The following NAALADL2 variants were observed in gnomAD, a reference collection of about 807,000 sequenced individuals.
NAALADL2 encodes N-acetylated alpha-linked acidic dipeptidase like 2.
A neutral mutation model predicts 87.2 loss-of-function variants in NAALADL2; 76 were observed. That is an observed-to-expected ratio of 0.87 (90% CI 0.72 to 1.05). The LOEUF (loss-of-function observed/expected upper bound fraction) is 1.05, where lower values mean the gene tolerates loss of function less well. NAALADL2 is among the 50% of genes least tolerant of loss of function. The pLI, the probability that NAALADL2 is intolerant of heterozygous loss-of-function variation, is 0.00. For missense variants in NAALADL2, 1,089 were observed against 945.8 expected, an observed-to-expected ratio of 1.15 and a Z score of -1.99; for synonymous variants, 354 against 331.0, an observed-to-expected ratio of 1.07 and a Z score of -0.75.
intron 3 of NAALADL2, among the ~76,000 whole-genome samples, chr3:175,245,973 T>C (rs921887797): frequency 6.6e-6 from 1 of 152,204 alleles, no homozygotes; most frequent in African/African-American, 2.4e-5. Context: ...TGCTTAGTTA[T>C]GTCTGCCACA....
At chr3:175,619,267 GGA>G (rs1491238463) in intron 10 of NAALADL2, among the ~76,000 whole-genome samples, 1 of 47,772 alleles carries the variant, frequency 2.1e-5, no homozygotes, top group Admixed American at 2.5e-4. Flanking sequence ...AAGGAAGGAA[GGA>G]GAAGGAAAGA....
chr3:174,922,144 AAAAAT>A (rs1280692196), intron 1 of NAALADL2, among the ~76,000 whole-genome samples: 6 of 152,068 alleles, frequency 3.9e-5, no homozygotes, highest in South Asian at 4.1e-4. Context: ...CATCTTTACA[AAAAAT>A]AAAATAAAAA....
intron 4 of NAALADL2, among the ~76,000 whole-genome samples, chr3:175,303,771 A>T (rs1470347955): frequency 6.6e-6 from 1 of 152,192 alleles, no homozygotes; most frequent in Non-Finnish European, 1.5e-5. Flanking sequence ...TAAATATTAC[A>T]GCAGTTTCTG....
At chr3:175,024,777 C>T (rs1186261194) in intron 1 of NAALADL2, among the ~76,000 whole-genome samples, 4 of 151,630 alleles carry the variant, frequency 2.6e-5, no homozygotes, top group Non-Finnish European at 5.9e-5. Context: ...TTGAGCACAC[C>T]GTAGCAGAGG....
intron 2 of NAALADL2, among the ~76,000 whole-genome samples, chr3:175,212,103 A>C (rs1375414688): frequency 6.6e-6 from 1 of 151,908 alleles, no homozygotes; most frequent in Non-Finnish European, 1.5e-5. Flanking sequence ...ACACTTTATT[A>C]CTCTCCCTTG....
At chr3:175,085,325 T>C (rs1718668951) in intron 1 of NAALADL2, among the ~76,000 whole-genome samples, 1 of 152,304 alleles carries the variant, frequency 6.6e-6, no homozygotes, top group South Asian at 2.1e-4. Flanking sequence ...TTTTTCCTGT[T>C]AATACTATAC....
chr3:174,731,032 T>A (rs1294668129), intron 2 of NAALADL2, among the ~76,000 whole-genome samples: 1 of 152,154 alleles, frequency 6.6e-6, no homozygotes, highest in Non-Finnish European at 1.5e-5. Context: ...ATTATTACCA[T>A]GCACAAGGCT....
intron 1 of NAALADL2, among the ~76,000 whole-genome samples, chr3:174,995,786 G>GAAAA (rs547943890): frequency 7.3e-6 from 1 of 136,846 alleles, no homozygotes; most frequent in Admixed American, 7.3e-5. Context: ...CGCTATTACT[G>GAAAA]AAAAAAAAAA....
chr3:174,445,159 G>C (rs2108261390), intron 1 of NAALADL2, among the ~76,000 whole-genome samples: 1 of 152,196 alleles, frequency 6.6e-6, no homozygotes, highest in East Asian at 1.9e-4. Flanking sequence ...ATTTTTAGTA[G>C]AGTGAGGAGA....
chr3:175,174,265 C>T (rs1422046216), intron 2 of NAALADL2, among the ~76,000 whole-genome samples: 1 of 152,130 alleles, frequency 6.6e-6, no homozygotes, highest in Non-Finnish European at 1.5e-5. Context: ...CTTCATTCAA[C>T]CAGCTCTTGT....
At chr3:175,288,237 A>T (rs778777771) in intron 4 of NAALADL2, among the ~76,000 whole-genome samples, 1 of 152,178 alleles carries the variant, frequency 6.6e-6, no homozygotes, top group Non-Finnish European at 1.5e-5. Flanking sequence ...GTAGTCAAGC[A>T]GGAAGAATCC....
intron 1 of NAALADL2, among the ~76,000 whole-genome samples, chr3:174,963,560 A>G (rs1006895934): frequency 6.6e-6 from 1 of 152,132 alleles, no homozygotes; most frequent in South Asian, 2.1e-4. Context: ...TTGTTGACCT[A>G]TCATCTTCAT....
intron 3 of NAALADL2, among the ~76,000 whole-genome samples, chr3:174,832,417 T>C (rs1212608525): frequency 6.6e-6 from 1 of 152,006 alleles, no homozygotes; most frequent in Admixed American, 6.6e-5. Flanking sequence ...AGTTGAGCGG[T>C]TTTGAGTGAG....
chr3:175,374,553 GAAAAAAAAAAAAAAAAAA>G (rs765485400), intron 5 of NAALADL2, among the ~76,000 whole-genome samples: 8 of 45,410 alleles, frequency 1.8e-4, no homozygotes, highest in African/African-American at 4.1e-4. Context: ...TGCATCTCCA[GAAAAAAAAAAAAAAAAAA>G]AAAAAAAAAA....
Position 175,031,415 on chromosome 3 carries a change from C to A in NAALADL2, c.44-65375C>A, listed in dbSNP as rs144505448. ...TTAATTCACTTAGGATAATGGCCTT[C>A]GCTTGCATCCATGCTGCTGCAGAGG... On this transcript the variant is annotated intron_variant, in intron 1 of 13. Transcript: ENST00000454872. Among the ~76,000 whole-genome samples the A allele has an allele frequency of 1.3e-5, 2 of 152,108 alleles. 1 individual carries two copies. Among genetic ancestry groups the A allele is most frequent in the East Asian group, 3.9e-4 (2 of 5,170 alleles).
intron 5 of NAALADL2, among the ~76,000 whole-genome samples, chr3:175,430,485 G>A (rs1359464417): frequency 6.6e-6 from 1 of 151,828 alleles, no homozygotes; most frequent in East Asian, 1.9e-4. Context: ...TCATCTTTTT[G>A]TTGGCATTTT....
chr3:174,807,472 GTTAAA>G (rs1276783197), intron 3 of NAALADL2, among the ~76,000 whole-genome samples: 2 of 151,980 alleles, frequency 1.3e-5, no homozygotes, highest in East Asian at 1.9e-4. Context: ...TTTAATTTCT[GTTAAA>G]TTATTCTTTT....
intron 2 of NAALADL2, among the ~76,000 whole-genome samples, chr3:174,567,395 A>T (rs1714414076): frequency 2.0e-5 from 3 of 151,470 alleles, no homozygotes; most frequent in Non-Finnish European, 4.4e-5. Context: ...AAATAAACAA[A>T]TTTTTTCAAT....
At chr3:174,546,797 ACAGGTGTGTGCCAACACACCTGG>A (rs756575159) in intron 1 of NAALADL2, among the ~76,000 whole-genome samples, 1 of 152,274 alleles carries the variant, frequency 6.6e-6, no homozygotes, top group Non-Finnish European at 1.5e-5. Context: ...AGCTGAGACT[ACAGGTGTGTGCCAACACACCTGG>A]CAAATTTTTA....
Sources: gnomAD v4.1 joint callset for allele counts (sites outside exome capture counted in the v4.1 genomes callset) on GRCh38, gnomAD v4.1.1 for gene constraint, MANE v1.5 for transcripts, NCBI Gene and HGNC (gene_info 2026-07-23, HGNC 2026-07-21) for gene names.